Variants in EDAR observed in about 807,000 individuals in gnomAD.
EDAR encodes tumor necrosis factor receptor superfamily member EDAR.
EDAR carries 38 observed loss-of-function variants against 51.3 expected under a neutral mutation model. The observed-to-expected ratio is 0.74, with a 90% CI of 0.57 to 0.97. The LOEUF is 0.97. EDAR is among the 50% of genes least tolerant of loss of function. EDAR has a pLI of 0.00. For synonymous variants in EDAR, 227 were observed against 242.1 expected (o/e 0.94, Z 0.58); for missense variants, 528 against 595.0 (o/e 0.89, Z 1.17).
At chr2:108,928,634 T>C (rs1046095542) in intron 4 of EDAR, among the ~76,000 whole-genome samples, 5 of 152,172 alleles carry the variant, frequency 3.3e-5, no homozygotes, top group Non-Finnish European at 7.3e-5. Context: ...TTTCTGGGGA[T>C]TGAGAGTCTG....
intron 1 of EDAR, among the ~76,000 whole-genome samples, chr2:108,943,419 A>G (rs1697647469): frequency 6.6e-6 from 1 of 152,188 alleles, no homozygotes; most frequent in African/African-American, 2.4e-5. Context: ...AATGGGATAC[A>G]GATTAAACTG....
chr2:108,955,350 T>G (rs576830526), intron 1 of EDAR, among the ~76,000 whole-genome samples: 3 of 152,334 alleles, frequency 2.0e-5, no homozygotes, highest in East Asian at 1.9e-4. Context: ...ATGGAAGAAT[T>G]GTAAAATAAA....
At chr2:108,933,376 G>A (rs948191466) in intron 1 of EDAR, among the ~76,000 whole-genome samples, 1 of 152,186 alleles carries the variant, frequency 6.6e-6, no homozygotes, top group African/African-American at 2.4e-5. Context: ...AGGAAAAAGC[G>A]TGTGTCCCTG....
At chr2:108,939,972 C>T (rs1697561142) in intron 1 of EDAR, among the ~76,000 whole-genome samples, 1 of 152,220 alleles carries the variant, frequency 6.6e-6, no homozygotes, top group African/African-American at 2.4e-5. Flanking sequence ...GCTGATTCTG[C>T]TTCACAACAA....
intron 1 of EDAR, among the ~76,000 whole-genome samples, chr2:108,955,156 T>C (rs1477354105): frequency 6.6e-6 from 1 of 152,320 alleles, no homozygotes; most frequent in Non-Finnish European, 1.5e-5. Flanking sequence ...TTACTAGCTA[T>C]GCAACTTTGG....
intron 1 of EDAR, among the ~76,000 whole-genome samples, chr2:108,939,004 T>C (rs562553424): frequency 3.2e-4 from 48 of 152,200 alleles, no homozygotes; most frequent in African/African-American, 1.2e-3. Flanking sequence ...GGTCTCGAAC[T>C]CCTGACCTCA....
rs191592596 is a variant in EDAR at position 108,930,259 on chromosome 2, G to A, written c.52-17C>T. The A allele has an allele frequency of 7.4e-5, 119 of 1,614,050 alleles. No homozygotes were observed. The East Asian group carries it at 1.2e-3, about 16-fold the overall frequency. On this transcript the variant is annotated splice_polypyrimidine_tract_variant and intron_variant, in intron 2 of 11. Coordinates refer to ENST00000258443, the MANE Select transcript of EDAR (RefSeq NM_022336.4). The stretch of plus-strand genomic sequence containing the variant: ...CAGAGACACCTGCCAACAAAGGGGG[G>A]TGTTGTGGCCTCCGTACCTCCTTAG...
intron 1 of EDAR, among the ~76,000 whole-genome samples, chr2:108,966,113 T>G (rs1398755848): frequency 6.6e-6 from 1 of 152,212 alleles, no homozygotes; most frequent in Non-Finnish European, 1.5e-5. Flanking sequence ...AAGAAAGTCA[T>G]TAACACCTCA....
At chr2:108,943,987 TGG>T (rs1263391340) in intron 1 of EDAR, among the ~76,000 whole-genome samples, 2 of 152,220 alleles carry the variant, frequency 1.3e-5, no homozygotes, top group African/African-American at 2.4e-5. Flanking sequence ...TGAATGCATG[TGG>T]AAGTGTTTTG....
chr2:108,940,546 C>T (rs1212232514), intron 1 of EDAR, among the ~76,000 whole-genome samples: 4 of 152,254 alleles, frequency 2.6e-5, no homozygotes, highest in African/African-American at 9.6e-5. Context: ...GCCTGAGCCC[C>T]AGATCGGGCG....
At chr2:108,925,569 A>G (rs1697237646) in intron 4 of EDAR, among the ~76,000 whole-genome samples, 1 of 152,204 alleles carries the variant, frequency 6.6e-6, no homozygotes, top group Non-Finnish European at 1.5e-5. Context: ...GTATGGGTCA[A>G]GCTATGCAAC....
At position 108,923,385 on chromosome 2, in the gene EDAR, G is replaced by A. The variant is rs1236124135; in HGVS notation, c.425C>T (p.Pro142Leu). 1 of 1,614,192 alleles carries A rather than the reference G, an allele frequency of 6.2e-7. No individual in the cohort carries two copies. Among genetic ancestry groups the A allele is most frequent in the Non-Finnish European group, 8.5e-7 (1 of 1,180,006 alleles). The part of the protein sequence containing the change: ...GMVCYSCLLA[P>L]PNTKECVGAT... ...ACACTCACATTCCTTGGTGTTGGGG[G>A]GTGCCAGGAGGCAGGAGTAGCAGAC... Residue 142 changes from proline to leucine, a missense_variant, in exon 5 of 12, where the codon CCC becomes CTC. Transcript: ENST00000258443.
intron 1 of EDAR, among the ~76,000 whole-genome samples, chr2:108,974,402 C>A (rs1410280350): frequency 6.7e-6 from 1 of 150,254 alleles, no homozygotes; most frequent in African/African-American, 2.4e-5. Flanking sequence ...ACGATGGTAC[C>A]CTGTTTATGA....
At chr2:108,897,507 C>G (rs1696622684) in intron 11 of EDAR, among the ~76,000 whole-genome samples, 1 of 152,138 alleles carries the variant, frequency 6.6e-6, no homozygotes. Flanking sequence ...TAATAATTCC[C>G]TCATGACCAT....
At chr2:108,981,525 A>G (rs192056613) in intron 1 of EDAR, among the ~76,000 whole-genome samples, 64 of 152,176 alleles carry the variant, frequency 4.2e-4, no homozygotes, top group African/African-American at 1.4e-3. Flanking sequence ...AGCCCAAACA[A>G]CACCTGTCCA....
chr2:108,972,045 T>C (rs908303658), intron 1 of EDAR, among the ~76,000 whole-genome samples: 3 of 152,188 alleles, frequency 2.0e-5, no homozygotes, highest in Non-Finnish European at 4.4e-5. Flanking sequence ...CAGCCTGGCC[T>C]GGCCCGCAGA....
At chr2:108,937,858 C>T (rs9967821) in intron 1 of EDAR, among the ~76,000 whole-genome samples, 2,222 of 152,236 alleles carry the variant, frequency 0.015, 25 homozygotes, top group South Asian at 0.029. Flanking sequence ...ACCAAATGGC[C>T]CTGAGCCCTC....
intron 5 of EDAR, among the ~76,000 whole-genome samples, chr2:108,915,755 G>A (rs566225103): frequency 6.6e-6 from 1 of 152,100 alleles, no homozygotes; most frequent in East Asian, 1.9e-4. Flanking sequence ...AAATTAGCTG[G>A]GCCTGGTGGC....
At chr2:108,914,846 G>T (rs1056507031) in intron 5 of EDAR, among the ~76,000 whole-genome samples, 4 of 152,178 alleles carry the variant, frequency 2.6e-5, no homozygotes, top group African/African-American at 9.7e-5. Context: ...CAGTGGAATG[G>T]CCCAGCACTG....
Sources: allele counts gnomAD v4.1 joint callset (sites outside exome capture counted in the v4.1 genomes callset), GRCh38; gene constraint gnomAD v4.1.1; transcripts MANE v1.5; gene names NCBI Gene and HGNC (gene_info 2026-07-23, HGNC 2026-07-21).